SCN7A: variants seen among roughly 807,000 people sequenced by gnomAD.
SCN7A encodes sodium channel protein type 7 subunit alpha.
A neutral mutation model predicts 155.2 loss-of-function variants in SCN7A; 138 were observed. That is an observed-to-expected ratio of 0.89 (90% CI 0.77 to 1.02). The LOEUF (loss-of-function observed/expected upper bound fraction) is 1.02. SCN7A is among the 50% of genes least tolerant of loss of function. The pLI is 0.00. For synonymous variants in SCN7A, 693 were observed against 649.0 expected (o/e 1.07, Z -1.03); for missense variants, 2,058 against 1,986.6 (o/e 1.04, Z -0.68).
In SCN7A at chr2:166,406,541, G is replaced by C; in HGVS notation, c.4088C>G (p.Pro1363Arg). The C allele has an allele frequency of 6.2e-7, 1 of 1,612,826 alleles. No individual in the cohort carries two copies. The highest frequency in any genetic ancestry group is 2.2e-5 in the East Asian group (1 of 44,828). The change falls in exon 26 of 26, where the codon CCA becomes CGA. Residue 1363 changes from proline (P) to arginine (R), a missense_variant. Transcript: ENST00000643258. ...AAGCATCAGATTATGAAACACCTTT[G>C]GTCCTTTTCCAAGACGCAGCATGTG... ...IIHMLRLGKG[P>R]KVFHNLMLPL...
At chr2:166,408,283 T>C (rs2105359175) in intron 25 of SCN7A, among the ~76,000 whole-genome samples, 1 of 152,162 alleles carries the variant, frequency 6.6e-6, no homozygotes, top group East Asian at 1.9e-4. Flanking sequence ...TTCATTCACA[T>C]TCATTGAAGA....
rs1319463319 is a variant in SCN7A at position 166,427,921 on chromosome 2, A to G, written c.2720T>C (p.Leu907Pro). ...LKNGCRRGSSLGQISGASKKG... is the reference protein window; with the variant it reads ...LKNGCRRGSSPGQISGASKKG... ...CTTGGATGCTCCACTGATTTGACCAAGTGAAGATCCGCGTCTGCAACCTGT... is the reference window on the plus strand; with the variant it reads ...CTTGGATGCTCCACTGATTTGACCAGGTGAAGATCCGCGTCTGCAACCTGT... Residue 907 changes from leucine to proline, a missense_variant, in exon 18 of 26, where the codon CTT becomes CCT. Leu to Pro is a moderately conservative substitution (Grantham distance 98, BLOSUM62 -3). Coordinates refer to ENST00000643258, the MANE Select transcript of SCN7A (RefSeq NM_002976.4). The G allele has an allele frequency of 1.4e-5, 23 of 1,612,680 alleles. No homozygotes were observed. The highest frequency in any genetic ancestry group is 1.9e-5 in the Non-Finnish European group (22 of 1,179,218).
intron 3 of SCN7A, 104 bp downstream of exon 3, chr2:166,477,359 C>T (rs2105513377): frequency 3.9e-6 from 3 of 772,280 alleles, no homozygotes; most frequent in South Asian, 2.3e-5. Context: ...CAGATCTTTC[C>T]CTGTTTTTCA....
At chr2:166,436,497 T>A (rs963666044) in intron 15 of SCN7A, 14 of 353,276 alleles carry the variant, frequency 4.0e-5, no homozygotes, top group Non-Finnish European at 8.1e-5. Flanking sequence ...CAGCCTTGGT[T>A]ACACCCTTAT....
intron 7 of SCN7A, among the ~76,000 whole-genome samples, chr2:166,469,645 T>C (rs919332027): frequency 4.6e-5 from 7 of 151,868 alleles, no homozygotes; most frequent in African/African-American, 1.4e-4. Flanking sequence ...TGAATTCATC[T>C]GATTTATTTA....
chr2:166,422,675 T>C (rs1701535627), intron 19 of SCN7A, among the ~76,000 whole-genome samples: 1 of 152,152 alleles, frequency 6.6e-6, no homozygotes, highest in African/African-American at 2.4e-5. Context: ...CAGATACTTG[T>C]AGAGCATTGA....
chr2:166,417,595 A>T (rs928935237), intron 20 of SCN7A, among the ~76,000 whole-genome samples: 5 of 149,156 alleles, frequency 3.4e-5, no homozygotes, highest in Non-Finnish European at 7.4e-5. Flanking sequence ...TTGCTGGCTT[A>T]ATATATATAT....
At position 166,429,169 on chromosome 2, in the gene SCN7A, C is replaced by A; in HGVS notation, c.2698G>T (p.Gly900Cys). 2 of 1,513,054 alleles carry A rather than the reference C, an allele frequency of 1.3e-6. No individual in the cohort carries two copies. The highest frequency in any genetic ancestry group is 1.3e-5 in the South Asian group (1 of 78,612). 93.7% of individuals were successfully genotyped at this position (1,513,054 alleles called of 1,614,324 possible). ...AGCAAGATTAACAAAATTTTCTTACCATTTTTCAGATGCTTTGATCTTTCA... is the reference window on the plus strand; with the variant it reads ...AGCAAGATTAACAAAATTTTCTTACAATTTTTCAGATGCTTTGATCTTTCA... ...GGERSKHLKN[G>C]CRRGSSLGQI... Residue 900 changes from glycine to cysteine, a missense_variant and splice_region_variant, in exon 17 of 26, where the codon GGT (glycine) becomes TGT (cysteine). Coordinates refer to ENST00000643258, the MANE Select transcript of SCN7A (RefSeq NM_002976.4).
intron 1 of SCN7A, among the ~76,000 whole-genome samples, chr2:166,488,091 T>C (rs1019861963): frequency 6.6e-6 from 1 of 152,230 alleles, no homozygotes; most frequent in Non-Finnish European, 1.5e-5. Context: ...GTACATAATC[T>C]GTATTGTTGA....
intron 21 of SCN7A, among the ~76,000 whole-genome samples, chr2:166,413,482 T>A (rs772291228): frequency 5.3e-5 from 8 of 152,084 alleles, no homozygotes; most frequent in Non-Finnish European, 1.0e-4. Flanking sequence ...TCTTCACATC[T>A]GCTAGATACT....
chr2:166,446,272 C>A (rs1345975386), intron 12 of SCN7A, among the ~76,000 whole-genome samples: 1 of 152,110 alleles, frequency 6.6e-6, no homozygotes, highest in East Asian at 1.9e-4. Context: ...TGAAAAAAAG[C>A]TCATCATCAC....
chr2:166,421,302 A>G lies in SCN7A; in HGVS notation c.3028-5T>C, dbSNP rs371782156. ...TATTAAGCTAAGACAAAACACCTATATATTTTTTTTAAAAAAAGAGTGAAT... is the reference window on the plus strand; with the variant it reads ...TATTAAGCTAAGACAAAACACCTATGTATTTTTTTTAAAAAAAGAGTGAAT... On this transcript the variant is annotated splice_polypyrimidine_tract_variant and splice_region_variant and intron_variant, in intron 19 of 25. Coordinates refer to ENST00000643258, the MANE Select transcript of SCN7A (RefSeq NM_002976.4). 4 of 1,454,270 alleles carry G rather than the reference A, an allele frequency of 2.8e-6. No homozygotes were observed. The highest frequency in any genetic ancestry group is 2.7e-5 in the Admixed American group (1 of 36,730). The allele number at this position is 1,454,270 out of a possible 1,614,324, so 90.1% of individuals were successfully genotyped here. A position where few individuals can be genotyped will look rare whatever the true frequency, so the allele number is the denominator to read the frequency against.
chr2:166,473,186 TA>T (rs545483555), intron 5 of SCN7A, among the ~76,000 whole-genome samples: 13 of 143,522 alleles, frequency 9.1e-5, no homozygotes, highest in Middle Eastern at 3.6e-3. Context: ...AAACAAAAAG[TA>T]AAAAAAAAAA....
intron 15 of SCN7A, among the ~76,000 whole-genome samples, chr2:166,437,807 A>T (rs917271979): frequency 3.3e-5 from 5 of 151,922 alleles, no homozygotes; most frequent in Admixed American, 6.6e-5. Context: ...TGGTGGCTGT[A>T]CCCCTTTGTT....
At chr2:166,450,381 A>G (rs528139700) in intron 11 of SCN7A, among the ~76,000 whole-genome samples, 1 of 152,218 alleles carries the variant, frequency 6.6e-6, no homozygotes, top group South Asian at 2.1e-4. Context: ...TACCTGGGTG[A>G]TAGGATCATT....
At chr2:166,478,610 A>G (rs963639719) in intron 2 of SCN7A, among the ~76,000 whole-genome samples, 1 of 151,928 alleles carries the variant, frequency 6.6e-6, no homozygotes, top group Non-Finnish European at 1.5e-5. Context: ...TAAAAATAAA[A>G]ACTCAAACTA....
rs764515179 is a variant in SCN7A, at chr2:166,474,220, G to A, written c.353+6C>T. The A allele has an allele frequency of 8.1e-6, 11 of 1,349,956 alleles. No individual in the cohort carries two copies. In the South Asian group the frequency reaches 1.6e-4, roughly 19 times the overall value. 83.6% of individuals were successfully genotyped at this position (1,349,956 alleles called of 1,614,324 possible). A position where few individuals can be genotyped will look rare whatever the true frequency, so the allele number is the denominator to read the frequency against. ...TTAAAGTCAACAAGTCAACAGAAAA[G>A]GATATGGATGTACCAAAACCTTGAT... On this transcript the variant is annotated splice_donor_region_variant and intron_variant, in intron 4 of 25. Coordinates refer to ENST00000643258, the MANE Select transcript of SCN7A (RefSeq NM_002976.4).
chr2:166,476,340 GATA>G (rs1702796814), intron 3 of SCN7A, among the ~76,000 whole-genome samples: 1 of 151,742 alleles, frequency 6.6e-6, no homozygotes, highest in Non-Finnish European at 1.5e-5. Flanking sequence ...TCACCCATTT[GATA>G]ATATCATTGA....
At chr2:166,465,147 G>T (rs1702500460) in intron 9 of SCN7A, among the ~76,000 whole-genome samples, 2 of 152,174 alleles carry the variant, frequency 1.3e-5, no homozygotes, top group Admixed American at 6.5e-5. Flanking sequence ...TCTGCTATGT[G>T]AGGACACAGC....
Sources: gnomAD v4.1 joint callset for allele counts (sites outside exome capture counted in the v4.1 genomes callset) on GRCh38, gnomAD v4.1.1 for gene constraint, MANE v1.5 for transcripts, NCBI Gene and HGNC (gene_info 2026-07-23, HGNC 2026-07-21) for gene names.